Variants in DOCK1 observed in about 807,000 individuals in gnomAD.
DOCK1 encodes the protein dedicator of cytokinesis 1, also known as dedicator of cytokinesis protein 1.
Under a neutral mutation model 262.7 loss-of-function variants are expected in DOCK1, and 138 were observed. The ratio of observed to expected loss-of-function variants is 0.53; its 90% CI spans 0.46 to 0.61. The LOEUF (loss-of-function observed/expected upper bound fraction) is 0.61, where lower values mean the gene tolerates loss of function less well. Ranked by LOEUF, DOCK1 falls within the 20% of genes least tolerant of loss-of-function variation. The pLI is 0.00. For missense variants in DOCK1, 1,908 were observed against 2,370.7 expected (o/e 0.80, Z 4.05); for synonymous variants, 866 against 867.4 (o/e 1.00, Z 0.03).
At chr10:127,214,137 G>A (rs146097161) in intron 27 of DOCK1, among the ~76,000 whole-genome samples, 2 of 152,264 alleles carry the variant, frequency 1.3e-5, no homozygotes, top group African/African-American at 2.4e-5. Flanking sequence ...GTGAGCCACT[G>A]CACCCGACCT....
intron 49 of DOCK1, among the ~76,000 whole-genome samples, chr10:127,440,888 C>T (rs962080586): frequency 6.6e-6 from 1 of 152,166 alleles, no homozygotes; most frequent in African/African-American, 2.4e-5. Flanking sequence ...GGGTTCCTGA[C>T]CACACAGCAT....
chr10:127,246,249 C>T (rs1021573045), intron 27 of DOCK1, among the ~76,000 whole-genome samples: 1 of 152,176 alleles, frequency 6.6e-6, no homozygotes, highest in African/African-American at 2.4e-5. Flanking sequence ...GTACAGCCTC[C>T]ACACCCAGCT....
At chr10:126,955,563 G>T (rs929710911) in intron 1 of DOCK1, among the ~76,000 whole-genome samples, 3 of 152,188 alleles carry the variant, frequency 2.0e-5, no homozygotes, top group Admixed American at 2.0e-4. Context: ...GTTTGGCCAG[G>T]TGTCAGTTTA....
chr10:127,210,958 AT>A (rs1423902827), intron 27 of DOCK1, among the ~76,000 whole-genome samples: 4 of 152,128 alleles, frequency 2.6e-5, no homozygotes, highest in Non-Finnish European at 5.9e-5. Flanking sequence ...ATTTTATTAT[AT>A]TTTGTTTAGC....
intron 6 of DOCK1, among the ~76,000 whole-genome samples, chr10:126,993,230 G>C (rs1427738345): frequency 6.6e-6 from 1 of 152,234 alleles, no homozygotes; most frequent in African/African-American, 2.4e-5. Context: ...TTCCCTGAGG[G>C]AACCCAATTC....
intron 47 of DOCK1, among the ~76,000 whole-genome samples, chr10:127,426,723 C>A (rs1003538398): frequency 2.6e-5 from 4 of 152,118 alleles, no homozygotes; most frequent in Admixed American, 2.6e-4. Flanking sequence ...TGGAAAGGCA[C>A]CCAACCTCCA....
chr10:127,344,779 T>G (rs1418758155), intron 31 of DOCK1, among the ~76,000 whole-genome samples: 2 of 152,086 alleles, frequency 1.3e-5, no homozygotes, highest in African/African-American at 4.8e-5. Context: ...GAAGATCACT[T>G]GAGCCCAGGA....
chr10:127,075,118 G>C (rs929790864), intron 23 of DOCK1, among the ~76,000 whole-genome samples: 3 of 139,356 alleles, frequency 2.2e-5, no homozygotes, highest in Admixed American at 7.5e-5. Context: ...GTGGTGAGCT[G>C]AGATTGCACC....
intron 1 of DOCK1, among the ~76,000 whole-genome samples, chr10:126,952,957 ATT>A (rs1360914148): frequency 6.9e-6 from 1 of 145,560 alleles, no homozygotes; most frequent in South Asian, 2.2e-4. Context: ...TAGTGGTAGT[ATT>A]TTTTGTTGGT....
intron 21 of DOCK1, among the ~76,000 whole-genome samples, chr10:127,050,134 C>T (rs373570960): frequency 6.6e-5 from 10 of 151,388 alleles, no homozygotes; most frequent in East Asian, 3.9e-4. Context: ...TCAGATCATG[C>T]GGCAGTAAAC....
At chr10:127,247,632 TC>T (rs1221656689) in intron 27 of DOCK1, among the ~76,000 whole-genome samples, 1 of 152,190 alleles carries the variant, frequency 6.6e-6, no homozygotes, top group Non-Finnish European at 1.5e-5. Flanking sequence ...CAACCCTGTA[TC>T]AGGAAACACT....
intron 25 of DOCK1, among the ~76,000 whole-genome samples, chr10:127,116,468 A>G (rs981255893): frequency 6.6e-6 from 1 of 152,178 alleles, no homozygotes; most frequent in Non-Finnish European, 1.5e-5. Context: ...ACTAGCTATT[A>G]GGAAATATTG....
intron 1 of DOCK1, among the ~76,000 whole-genome samples, chr10:126,917,882 G>C (rs1269273903): frequency 2.6e-5 from 4 of 152,154 alleles, no homozygotes; most frequent in Non-Finnish European, 4.4e-5. Flanking sequence ...ATAAAGCTGT[G>C]AGTTTTCCTT....
chr10:127,208,405 C>A (rs1346520781), intron 27 of DOCK1, among the ~76,000 whole-genome samples: 1 of 152,228 alleles, frequency 6.6e-6, no homozygotes, highest in African/African-American at 2.4e-5. Flanking sequence ...AGTATCTTTG[C>A]TGTAGGGTTT....
At chr10:127,296,454 C>G (rs1216185366) in intron 29 of DOCK1, among the ~76,000 whole-genome samples, 1 of 152,156 alleles carries the variant, frequency 6.6e-6, no homozygotes, top group East Asian at 1.9e-4. Context: ...GATTATCCAG[C>G]AGTGGGGTTT....
At chr10:127,333,610 G>A (rs2135686952) in intron 29 of DOCK1, among the ~76,000 whole-genome samples, 1 of 152,310 alleles carries the variant, frequency 6.6e-6, no homozygotes, top group South Asian at 2.1e-4. Flanking sequence ...CCCACGCACT[G>A]CATCCATCCA....
intron 27 of DOCK1, among the ~76,000 whole-genome samples, chr10:127,199,218 G>C (rs1271372299): frequency 6.6e-6 from 1 of 152,136 alleles, no homozygotes; most frequent in East Asian, 1.9e-4. Context: ...ATAAAAATAA[G>C]GGAAAGTTCA....
chr10:126,921,584 G>A (rs768983872), intron 1 of DOCK1, among the ~76,000 whole-genome samples: 4 of 152,156 alleles, frequency 2.6e-5, no homozygotes, highest in Non-Finnish European at 5.9e-5. Flanking sequence ...CTCTTAGTGG[G>A]AGTGTCAGTC....
chr10:127,205,427 T>C (rs1166421051), intron 27 of DOCK1, among the ~76,000 whole-genome samples: 1 of 152,178 alleles, frequency 6.6e-6, no homozygotes, highest in Non-Finnish European at 1.5e-5. Context: ...GCGAGTTGCA[T>C]GATGCATTCG....
Sources: gnomAD v4.1 joint callset for allele counts (sites outside exome capture counted in the v4.1 genomes callset) on GRCh38, gnomAD v4.1.1 for gene constraint, MANE v1.5 for transcripts, NCBI Gene and HGNC (gene_info 2026-07-23, HGNC 2026-07-21) for gene names.